The following PROKR2 variants were observed in gnomAD, a reference collection of about 807,000 sequenced individuals.
PROKR2 encodes the protein G protein-coupled receptor 73-like 1.
PROKR2 carries 26 observed loss-of-function variants against 23.4 expected under a neutral mutation model. That is an observed-to-expected ratio of 1.11 (90% CI 0.81 to 1.54). The LOEUF (loss-of-function observed/expected upper bound fraction) is 1.54, where lower values mean the gene tolerates loss of function less well. Among genes scored for constraint, PROKR2 ranks in the 40% most tolerant of loss-of-function variants. The probability of loss-of-function intolerance (pLI) is 0.00; values close to 1 mark genes in which losing one functional copy is unlikely to be tolerated. For synonymous variants in PROKR2, 212 were observed against 201.2 expected (o/e 1.05, Z -0.45); for missense variants, 453 against 511.5 (o/e 0.89, Z 1.10).
intron 2 of PROKR2, among the ~76,000 whole-genome samples, chr20:5,307,879 C>T (rs1460947912): frequency 6.6e-6 from 1 of 152,198 alleles, no homozygotes; most frequent in Non-Finnish European, 1.5e-5. Flanking sequence ...TAGAAAGACA[C>T]TCTACAAACT....
intron 2 of PROKR2, among the ~76,000 whole-genome samples, chr20:5,309,586 C>A (rs1379267731): frequency 3.9e-5 from 6 of 152,208 alleles, no homozygotes; most frequent in Admixed American, 3.3e-4. Flanking sequence ...ATTTTAAGAT[C>A]AGCTGATTAG....
At chr20:5,308,417 T>C (rs986789879) in intron 2 of PROKR2, among the ~76,000 whole-genome samples, 3 of 152,260 alleles carry the variant, frequency 2.0e-5, no homozygotes, top group African/African-American at 7.2e-5. Context: ...CTTAAGGACA[T>C]GCTCCTGCTG....
Position 5,299,861 on chromosome 20 carries a change from G to A in PROKR2, c.*2179C>T, listed in dbSNP as rs188384881. On this transcript the variant is annotated 3_prime_UTR_variant, in exon 3 of 3. Transcript: ENST00000678254. ...GCTGGTCTTGAACTCCTGACCTCAG[G>A]TGATCTGCCCATCTTGGCCTCCCGA... Among the ~76,000 whole-genome samples, 10 of 152,272 alleles carry A rather than the reference G, an allele frequency of 6.6e-5. No individual in the cohort carries two copies. The highest frequency in any genetic ancestry group is 9.6e-5 in the African/African-American group (4 of 41,536).
Position 5,314,025 on chromosome 20 carries a change from C to T in PROKR2, c.345G>A (p.Val115=), listed in dbSNP as rs2122222578. ...CATGCTCCCAGGAGAGCTGCCGTAC[C>T]ACGTAGTAGTCCATCTCGAAGGGGC... ...ICCPFEMDYY[V]VRQLSWEHGH... The change falls in exon 2 of 3, where the codon GTG becomes GTA. Residue 115 remains valine, a synonymous_variant. Transcript: ENST00000678254. 1.2e-6 allele frequency: 2 copies of T among 1,614,210 alleles called. No homozygotes were observed. The highest frequency in any genetic ancestry group is 4.5e-5 in the East Asian group (2 of 44,878).
At chr20:5,314,637 A>G (rs1227038497) in intron 1 of PROKR2, among the ~76,000 whole-genome samples, 1 of 152,208 alleles carries the variant, frequency 6.6e-6, no homozygotes, top group Non-Finnish European at 1.5e-5. Flanking sequence ...AGGAGACCTG[A>G]GATCTGTAAG....
chr20:5,310,802 C>T (rs1979412724), intron 2 of PROKR2, among the ~76,000 whole-genome samples: 1 of 152,230 alleles, frequency 6.6e-6, no homozygotes, highest in Non-Finnish European at 1.5e-5. Context: ...ATCTTAGTCT[C>T]AGAGTCTGAT....
At position 5,299,295 on chromosome 20, in the gene PROKR2, T is replaced by C. The variant is rs1978908169; in HGVS notation, c.*2745A>G. On this transcript the variant is annotated 3_prime_UTR_variant, in exon 3 of 3. Transcript: ENST00000678254. ...CTGGAAAATCACAAATACACACTGA[T>C]ATTTACAAAAGTTTTTTCAGTTAAA... Among the ~76,000 whole-genome samples the C allele has an allele frequency of 6.6e-6, 1 of 152,112 alleles. No homozygotes were observed.
At chr20:5,305,386 G>T (rs1261611204) in intron 2 of PROKR2, among the ~76,000 whole-genome samples, 2 of 152,248 alleles carry the variant, frequency 1.3e-5, no homozygotes, top group Non-Finnish European at 2.9e-5. Flanking sequence ...TGCCAGCGGG[G>T]ACGATAGGAT....
Position 5,302,741 on chromosome 20 carries a change from TG to T in PROKR2, c.459-6del, listed in dbSNP as rs1213962962. The T allele has an allele frequency of 3.1e-6, 5 of 1,610,212 alleles. No individual in the cohort carries two copies. Among genetic ancestry groups the T allele is most frequent in the Admixed American group, 1.7e-5 (1 of 60,002 alleles). ...GGGTGAACGATGGCGAGATATCTGGTGGGGGAGGGAAGCCAACAGTAGTAAT... is the reference window on the plus strand; with the variant it reads ...GGGTGAACGATGGCGAGATATCTGGTGGGGAGGGAAGCCAACAGTAGTAAT... On this transcript the variant is annotated splice_region_variant and splice_polypyrimidine_tract_variant and intron_variant, in intron 2 of 2. Transcript: ENST00000678254.
In PROKR2 at chr20:5,314,052, G is replaced by A. The variant is rs2122222658; in HGVS notation, c.318C>T (p.Cys106=). ...AISDFLVAII[C]CPFEMDYYVV... ...CGTAGTAGTCCATCTCGAAGGGGCA[G>A]CAGATGATGGCCACCAGGAAGTCGG... Residue 106 remains cysteine (C), a synonymous_variant, in exon 2 of 3, where the codon TGC becomes TGT. Transcript: ENST00000678254. 6.2e-7 allele frequency: 1 copy of A among 1,614,212 alleles called. No individual in the cohort carries two copies. The highest frequency in any genetic ancestry group is 2.2e-5 in the East Asian group (1 of 44,880).
At chr20:5,308,102 C>T (rs1177156754) in intron 2 of PROKR2, among the ~76,000 whole-genome samples, 1 of 152,186 alleles carries the variant, frequency 6.6e-6, no homozygotes, top group Non-Finnish European at 1.5e-5. Flanking sequence ...GATGTGGATC[C>T]TGACTCCTGT....
chr20:5,302,145 C>T lies in PROKR2; in HGVS notation c.1050G>A (p.Leu350=), dbSNP rs779816527. The T allele has an allele frequency of 3.7e-6, 6 of 1,614,102 alleles. No homozygotes were observed. In the Admixed American group the frequency reaches 6.7e-5, roughly 18 times the overall value. The change falls in exon 3 of 3, where the codon CTG becomes CTA. Residue 350 remains leucine (L), a synonymous_variant. Transcript: ENST00000678254. ...TCCCCCGCTGGGAGGGACGCCAGTG[C>T]AGCAGCATCATCTTCTTGAAGTACT... is the stretch of plus-strand genomic sequence containing the variant. ...TMKYFKKMML[L]HWRPSQRGSK...
chr20:5,309,138 C>T (rs996011034), intron 2 of PROKR2, among the ~76,000 whole-genome samples: 1 of 152,230 alleles, frequency 6.6e-6, no homozygotes, highest in Non-Finnish European at 1.5e-5. Context: ...GAGAGTGGAA[C>T]AAATGGGCAG....
In PROKR2 at chr20:5,312,247, C is replaced by T. The variant is rs1417106032; in HGVS notation, c.458+1665G>A. Among the ~76,000 whole-genome samples the T allele has an allele frequency of 2.6e-5, 4 of 152,194 alleles. No homozygotes were observed. The South Asian group carries it at 8.3e-4, about 32-fold the overall frequency. ...TCAGCCTCCCAAGTAGCTGGGATTA[C>T]AGGCACCCGCCACCACGCCCAACTA... is the stretch of plus-strand genomic sequence containing the variant. On this transcript the variant is annotated intron_variant, in intron 2 of 2. Coordinates refer to ENST00000678254, the MANE Select transcript of PROKR2 (RefSeq NM_144773.4).
chr20:5,305,697 A>T (rs965905659), intron 2 of PROKR2, among the ~76,000 whole-genome samples: 32 of 152,174 alleles, frequency 2.1e-4, no homozygotes, highest in African/African-American at 6.5e-4. Context: ...AAAAAAATTT[A>T]AAGGTTTGGT....
chr20:5,313,889 C>T (rs1979538396), intron 2 of PROKR2, 23 bp downstream of exon 2: 1 of 1,604,138 alleles, frequency 6.2e-7, no homozygotes, highest in South Asian at 1.1e-5. Context: ...AGCCCCACCA[C>T]TCACCCCACC....
intron 2 of PROKR2, among the ~76,000 whole-genome samples, chr20:5,313,094 C>T (rs1463474376): frequency 6.6e-6 from 1 of 152,052 alleles, no homozygotes; most frequent in Admixed American, 6.5e-5. Context: ...ACATTGTATA[C>T]ATACATGCAT....
At chr20:5,305,298 AT>A (rs919888797) in intron 2 of PROKR2, among the ~76,000 whole-genome samples, 7 of 152,208 alleles carry the variant, frequency 4.6e-5, no homozygotes, top group African/African-American at 1.7e-4. Flanking sequence ...GCTGCAGTAG[AT>A]TTATGCTGCA....
rs928731806 is a variant in PROKR2, at chr20:5,300,998, G to C, written c.*1042C>G. The stretch of plus-strand genomic sequence containing the variant: ...TTTCCTTTGAAATTACACCATTGTG[G>C]ATAACCACATAAGGCTGGGCTGACT... On this transcript the variant is annotated 3_prime_UTR_variant, in exon 3 of 3. Transcript: ENST00000678254. 6.6e-6 allele frequency among the ~76,000 whole-genome samples: 1 copy of C among 152,158 alleles called. No homozygotes were observed. The highest frequency in any genetic ancestry group is 6.5e-5 in the Admixed American group (1 of 15,278).
Sources: gnomAD v4.1 joint callset for allele counts (sites outside exome capture counted in the v4.1 genomes callset) on GRCh38, gnomAD v4.1.1 for gene constraint, MANE v1.5 for transcripts, NCBI Gene and HGNC (gene_info 2026-07-23, HGNC 2026-07-21) for gene names.